The following TENM4 variants were observed in gnomAD, a reference collection of about 807,000 sequenced individuals.
TENM4 encodes teneurin-4.
Under a neutral mutation model 243.3 loss-of-function variants are expected in TENM4, and 82 were observed. The ratio of observed to expected loss-of-function variants is 0.34; its 90% CI spans 0.28 to 0.40. TENM4 has a LOEUF of 0.40. TENM4 is among the 10% of genes least tolerant of loss of function. The pLI is 1.00. For missense variants in TENM4, 3,138 were observed against 3,673.3 expected (o/e 0.85, Z 3.77); for synonymous variants, 1,412 against 1,456.3 (o/e 0.97, Z 0.69).
At chr11:78,672,915 C>T (rs1250131383) in intron 30 of TENM4, among the ~76,000 whole-genome samples, 3 of 152,076 alleles carry the variant, frequency 2.0e-5, no homozygotes, top group Admixed American at 1.3e-4. Context: ...CAGCCCCTGT[C>T]GGGTGTCTCC....
chr11:78,957,350 T>C (rs548079046), intron 6 of TENM4, among the ~76,000 whole-genome samples: 2 of 152,150 alleles, frequency 1.3e-5, no homozygotes, highest in Admixed American at 6.5e-5. Flanking sequence ...ACGAAATTCA[T>C]AGTGAAAGAA....
At chr11:79,381,692 G>C (rs12276041) in intron 1 of TENM4, among the ~76,000 whole-genome samples, 2 of 151,368 alleles carry the variant, frequency 1.3e-5, no homozygotes, top group Non-Finnish European at 2.9e-5. Context: ...CTTGAGCGCT[G>C]TTTGGCACGG....
intron 16 of TENM4, among the ~76,000 whole-genome samples, chr11:78,782,658 C>T (rs1207689094): frequency 1.3e-5 from 2 of 151,676 alleles, no homozygotes; most frequent in Admixed American, 6.6e-5. Flanking sequence ...CCCACCTACT[C>T]GGGAGGCTGA....
chr11:78,889,957 T>C lies in TENM4; in HGVS notation c.912A>G (p.Pro304=). Residue 304 remains proline (P), a synonymous_variant, in exon 9 of 34, where the codon CCA becomes CCG. Coordinates refer to ENST00000278550, the MANE Select transcript of TENM4 (RefSeq NM_001098816.3). ...GAGAGTACACTGTGCTGGACGTCAG[T>C]GGGTACCCTGGTGATGTGGTGCAGA... ...PLFCTTSPGY[P]LTSSTVYSPP... The C allele has an allele frequency of 6.4e-7, 1 of 1,551,330 alleles. No individual in the cohort carries two copies. The highest frequency in any genetic ancestry group is 1.7e-4 in the Middle Eastern group (1 of 5,990).
chr11:78,931,920 G>T (rs141350014), intron 6 of TENM4, among the ~76,000 whole-genome samples: 1 of 152,272 alleles, frequency 6.6e-6, no homozygotes, highest in South Asian at 2.1e-4. Flanking sequence ...TTGAGCCTAC[G>T]AATTTGAGGC....
chr11:78,719,461 A>G (rs529643337), intron 25 of TENM4, among the ~76,000 whole-genome samples: 53 of 152,344 alleles, frequency 3.5e-4, no homozygotes, highest in African/African-American at 1.2e-3. Flanking sequence ...AGCTACTTCA[A>G]TTGAAAGAGA....
At chr11:79,023,517 A>T (rs1858990358) in intron 6 of TENM4, among the ~76,000 whole-genome samples, 1 of 150,764 alleles carries the variant, frequency 6.6e-6, no homozygotes, top group African/African-American at 2.5e-5. Context: ...AGCCAAGATC[A>T]TGCCACTGCA....
At chr11:79,008,682 T>A (rs1015866450) in intron 6 of TENM4, among the ~76,000 whole-genome samples, 9 of 152,072 alleles carry the variant, frequency 5.9e-5, no homozygotes, top group Admixed American at 3.3e-4. Flanking sequence ...GGTTTCTGAT[T>A]TTTTTTTGTG....
intron 33 of TENM4, 117 bp from the exon 34 acceptor site, chr11:78,658,933 T>TGCCGCAG: frequency 8.2e-7 from 1 of 1,218,676 alleles, no homozygotes; most frequent in Non-Finnish European, 1.1e-6. Flanking sequence ...ACCTGCGGCA[T>TGCCGCAG]GTAGCTCTAC....
At chr11:79,134,205 G>A (rs1206661585) in intron 4 of TENM4, among the ~76,000 whole-genome samples, 2 of 152,012 alleles carry the variant, frequency 1.3e-5, no homozygotes, top group African/African-American at 4.8e-5. Context: ...CACCAACAGC[G>A]ACCAAGTGGA....
chr11:79,000,580 A>G (rs924420089), intron 6 of TENM4, among the ~76,000 whole-genome samples: 2 of 152,210 alleles, frequency 1.3e-5, no homozygotes, highest in African/African-American at 4.8e-5. Context: ...ATTAAAATGC[A>G]TTTTGTATTC....
At chr11:78,948,382 T>A (rs905054722) in intron 6 of TENM4, among the ~76,000 whole-genome samples, 1 of 151,692 alleles carries the variant, frequency 6.6e-6, no homozygotes, top group East Asian at 1.9e-4. Flanking sequence ...GTCTTTTTTT[T>A]TTTTTTTTTG....
At chr11:78,930,642 C>G (rs2705225) in intron 6 of TENM4, among the ~76,000 whole-genome samples, 1 of 152,282 alleles carries the variant, frequency 6.6e-6, no homozygotes, top group African/African-American at 2.4e-5. Flanking sequence ...TGAACTGGCC[C>G]GGGCCACAAC....
At chr11:79,128,159 C>A (rs1861921549) in intron 4 of TENM4, among the ~76,000 whole-genome samples, 1 of 152,208 alleles carries the variant, frequency 6.6e-6, no homozygotes, top group African/African-American at 2.4e-5. Flanking sequence ...GAGCCTTTGG[C>A]AGGCCCTCAT....
At chr11:78,889,336 C>G (rs1371798197) in intron 9 of TENM4, among the ~76,000 whole-genome samples, 1 of 152,204 alleles carries the variant, frequency 6.6e-6, no homozygotes, top group Non-Finnish European at 1.5e-5. Flanking sequence ...CAGTTTCCCT[C>G]CAAGCCCAGG....
chr11:79,423,512 C>T (rs193035163), intron 1 of TENM4, among the ~76,000 whole-genome samples: 1 of 150,242 alleles, frequency 6.7e-6, no homozygotes, highest in Non-Finnish European at 1.5e-5. Flanking sequence ...TCGTTCAAGC[C>T]AGCTCTGAAT....
chr11:79,181,241 C>T (rs987872094), intron 3 of TENM4, among the ~76,000 whole-genome samples: 1 of 152,166 alleles, frequency 6.6e-6, no homozygotes, highest in Non-Finnish European at 1.5e-5. Flanking sequence ...AAACTACACA[C>T]CATGACTAAA....
chr11:78,671,370 C>T (rs1402547522), intron 31 of TENM4, among the ~76,000 whole-genome samples: 1 of 152,324 alleles, frequency 6.6e-6, no homozygotes, highest in East Asian at 1.9e-4. Flanking sequence ...TCAGAGCAAG[C>T]ACAGCCTATG....
chr11:79,372,177 G>C (rs1325317336), intron 1 of TENM4, among the ~76,000 whole-genome samples: 1 of 152,014 alleles, frequency 6.6e-6, no homozygotes, highest in African/African-American at 2.4e-5. Flanking sequence ...TATTTTGAGT[G>C]GTGATTTTAT....
Sources: gnomAD v4.1 joint callset for allele counts (sites outside exome capture counted in the v4.1 genomes callset) on GRCh38, gnomAD v4.1.1 for gene constraint, MANE v1.5 for transcripts, NCBI Gene and HGNC (gene_info 2026-07-23, HGNC 2026-07-21) for gene names.